The following DLG2 variants were observed in gnomAD, a reference collection of about 807,000 sequenced individuals.
DLG2 encodes the protein discs large MAGUK scaffold protein 2, also known as disks large homolog 2.
DLG2 carries 45 observed loss-of-function variants against 132.5 expected under a neutral mutation model. The observed-to-expected ratio is 0.34, with a 90% CI of 0.27 to 0.44. The LOEUF is 0.44. Among genes scored for constraint, DLG2 ranks in the 20% least tolerant of loss-of-function variants. The pLI is 1.00. For synonymous variants in DLG2, 424 were observed against 419.6 expected (o/e 1.01, Z -0.13); for missense variants, 1,045 against 1,196.9 (o/e 0.87, Z 1.87).
At chr11:85,592,288 C>T (rs1052983671) in intron 3 of DLG2, among the ~76,000 whole-genome samples, 3 of 152,154 alleles carry the variant, frequency 2.0e-5, no homozygotes, top group Admixed American at 6.5e-5. Flanking sequence ...AACACTTGTA[C>T]TCTTTTTATT....
At chr11:84,570,987 T>A (rs2099481480) in intron 6 of DLG2, among the ~76,000 whole-genome samples, 1 of 152,152 alleles carries the variant, frequency 6.6e-6, no homozygotes, top group Admixed American at 6.6e-5. Context: ...TTTGCTAAAA[T>A]TAGAGAACAG....
intron 16 of DLG2, among the ~76,000 whole-genome samples, chr11:83,861,967 C>G (rs969869371): frequency 2.0e-5 from 3 of 152,162 alleles, no homozygotes; most frequent in Non-Finnish European, 4.4e-5. Context: ...ATCCTTGTAT[C>G]AAAACATCTC....
chr11:85,323,547 A>C (rs1176822619), intron 3 of DLG2, among the ~76,000 whole-genome samples: 3 of 152,154 alleles, frequency 2.0e-5, no homozygotes, highest in African/African-American at 7.2e-5. Context: ...ATATACAATA[A>C]ATTATTGTTA....
intron 23 of DLG2, among the ~76,000 whole-genome samples, 200 bp from the exon 24 acceptor site, chr11:83,471,927 A>G (rs537668264): frequency 3.9e-5 from 6 of 152,270 alleles, no homozygotes; most frequent in African/African-American, 1.4e-4. Flanking sequence ...ACTTTCTGGA[A>G]TCTACTAGCA....
At chr11:85,270,581 G>C (rs1487809283) in intron 4 of DLG2, among the ~76,000 whole-genome samples, 1 of 152,146 alleles carries the variant, frequency 6.6e-6, no homozygotes, top group African/African-American at 2.4e-5. Context: ...GAAGAAGAGA[G>C]GAAAATGTGG....
chr11:83,625,480 G>A (rs2062360450), intron 19 of DLG2, among the ~76,000 whole-genome samples: 1 of 152,236 alleles, frequency 6.6e-6, no homozygotes, highest in South Asian at 2.1e-4. Context: ...CCTGCATGAT[G>A]ATGTAGCTTT....
chr11:83,914,467 T>G (rs2076588931), intron 15 of DLG2, among the ~76,000 whole-genome samples: 2 of 151,534 alleles, frequency 1.3e-5, no homozygotes, highest in South Asian at 4.1e-4. Context: ...AACACCAAGA[T>G]GTTTTTCTAG....
At chr11:84,270,318 T>C (rs936879740) in intron 7 of DLG2, among the ~76,000 whole-genome samples, 1 of 152,232 alleles carries the variant, frequency 6.6e-6, no homozygotes, top group African/African-American at 2.4e-5. Context: ...TTTGCACTTG[T>C]GGCTCTTGGA....
At chr11:84,281,754 T>C (rs1259639703) in intron 7 of DLG2, among the ~76,000 whole-genome samples, 1 of 152,008 alleles carries the variant, frequency 6.6e-6, no homozygotes, top group Non-Finnish European at 1.5e-5. Flanking sequence ...CAAATAAGCA[T>C]CTGAAAAGAT....
At chr11:84,645,679 G>C (rs2099673899) in intron 6 of DLG2, among the ~76,000 whole-genome samples, 1 of 152,176 alleles carries the variant, frequency 6.6e-6, no homozygotes, top group Non-Finnish European at 1.5e-5. Context: ...GTGTTAGCCA[G>C]GATGGTCTCG....
chr11:83,905,531 G>C (rs2074505031), intron 15 of DLG2, among the ~76,000 whole-genome samples: 1 of 152,146 alleles, frequency 6.6e-6, no homozygotes, highest in African/African-American at 2.4e-5. Context: ...GAGACCCACA[G>C]CAAAGGGATG....
chr11:84,842,996 A>C (rs1477460193), intron 6 of DLG2, among the ~76,000 whole-genome samples: 1 of 152,018 alleles, frequency 6.6e-6, no homozygotes, highest in African/African-American at 2.4e-5. Context: ...AGAACAAAGA[A>C]TACTGTTCAA....
intron 3 of DLG2, among the ~76,000 whole-genome samples, chr11:85,326,602 T>C (rs1288690442): frequency 9.1e-5 from 1 of 10,984 alleles, no homozygotes; most frequent in African/African-American, 3.4e-4. Flanking sequence ...AGGCCTGCCC[T>C]AAAAGAGCTC....
chr11:84,221,847 G>C (rs904393627), intron 8 of DLG2, among the ~76,000 whole-genome samples: 2 of 151,744 alleles, frequency 1.3e-5, no homozygotes, highest in Admixed American at 1.3e-4. Context: ...AGATAAATTT[G>C]GCCCTCAGAT....
intron 17 of DLG2, among the ~76,000 whole-genome samples, chr11:83,795,433 CTATATCTA>C (rs1566990548): frequency 1.4e-5 from 2 of 146,542 alleles, no homozygotes; most frequent in Non-Finnish European, 3.0e-5. Context: ...ATATCTATAT[CTATATCTA>C]TATATCTATA....
At chr11:85,247,066 A>T (rs1041574883) in intron 4 of DLG2, among the ~76,000 whole-genome samples, 1 of 147,722 alleles carries the variant, frequency 6.8e-6, no homozygotes, top group Admixed American at 6.7e-5. Flanking sequence ...TTTAATGTTC[A>T]AATCCTCTGT....
chr11:84,708,440 T>C (rs1029352428), intron 6 of DLG2, among the ~76,000 whole-genome samples: 2 of 151,860 alleles, frequency 1.3e-5, no homozygotes, highest in African/African-American at 4.8e-5. Context: ...ATGACCACTT[T>C]CTCTAAGACC....
At chr11:83,874,309 A>C in intron 16 of DLG2, 111 bp downstream of exon 16, 1 of 569,782 alleles carries the variant, frequency 1.8e-6, no homozygotes, top group Non-Finnish European at 2.8e-6. Context: ...GGAAGGAAAG[A>C]AGGAAGGGAG....
intron 7 of DLG2, among the ~76,000 whole-genome samples, chr11:84,485,155 T>G (rs575083211): frequency 4.6e-5 from 7 of 152,276 alleles, no homozygotes; most frequent in African/African-American, 1.7e-4. Flanking sequence ...TTTAATTGGA[T>G]GTTCCTAAAT....
Sources: gnomAD v4.1 joint callset for allele counts (sites outside exome capture counted in the v4.1 genomes callset) on GRCh38, gnomAD v4.1.1 for gene constraint, MANE v1.5 for transcripts, NCBI Gene and HGNC (gene_info 2026-07-23, HGNC 2026-07-21) for gene names.